The following SCNN1B variants were observed in gnomAD, a reference collection of about 807,000 sequenced individuals.
SCNN1B encodes sodium channel epithelial 1 subunit beta.
Under a neutral mutation model 65.3 loss-of-function variants are expected in SCNN1B, and 46 were observed. That is an observed-to-expected ratio of 0.70 (90% CI 0.56 to 0.90). The LOEUF is 0.90. SCNN1B is among the 40% of genes least tolerant of loss of function. The pLI is 0.00. For missense variants in SCNN1B, 751 were observed against 830.5 expected (o/e 0.90, Z 1.18); for synonymous variants, 349 against 330.6 (o/e 1.06, Z -0.60).
At chr16:23,360,760 T>A (rs1962535131) in intron 4 of SCNN1B, among the ~76,000 whole-genome samples, 1 of 151,624 alleles carries the variant, frequency 6.6e-6, no homozygotes, top group Non-Finnish European at 1.5e-5. Context: ...CACACCTGGC[T>A]AATTTTTGGT....
chr16:23,315,337 C>CA (rs879630724), intron 1 of SCNN1B, among the ~76,000 whole-genome samples: 2,336 of 143,574 alleles, frequency 0.016, 24 homozygotes, highest in Non-Finnish European at 0.026. Flanking sequence ...AAGTCTGTCT[C>CA]AAAAAAAAAA....
intron 1 of SCNN1B, chr16:23,304,033 A>G: frequency 6.5e-7 from 1 of 1,528,942 alleles, no homozygotes. Context: ...TTATTTATTT[A>G]AACTGCTGCA....
chr16:23,281,411 T>C (rs1392715509), intron 1 of SCNN1B, among the ~76,000 whole-genome samples: 3 of 152,096 alleles, frequency 2.0e-5, no homozygotes, highest in African/African-American at 7.2e-5. Flanking sequence ...CCAGCCTGGG[T>C]GACAGAGCAA....
chr16:23,332,194 C>CTT (rs747733122), intron 1 of SCNN1B, among the ~76,000 whole-genome samples: 1 of 145,392 alleles, frequency 6.9e-6, no homozygotes, highest in Non-Finnish European at 1.5e-5. Context: ...ATGCCCAGCT[C>CTT]TTTTTTTTTT....
At chr16:23,310,580 G>C (rs1404732285) in intron 1 of SCNN1B, among the ~76,000 whole-genome samples, 1 of 152,204 alleles carries the variant, frequency 6.6e-6, no homozygotes, top group Non-Finnish European at 1.5e-5. Flanking sequence ...GGGATGCTGA[G>C]GCAGGAAGAT....
intron 1 of SCNN1B, chr16:23,283,652 T>C (rs1960811938): frequency 6.6e-6 from 1 of 152,146 alleles, no homozygotes; most frequent in African/African-American, 2.4e-5. Flanking sequence ...ATTGTCTGCA[T>C]TGTCCCTGAA....
chr16:23,377,129 T>G (rs776965879), intron 8 of SCNN1B, 36 bp from the exon 9 acceptor site: 1 of 1,602,578 alleles, frequency 6.2e-7, no homozygotes, highest in South Asian at 1.1e-5. Context: ...AAAAGCCCCC[T>G]TAAACCTCTT....
chr16:23,369,020 C>T (rs1043105461), intron 5 of SCNN1B, among the ~76,000 whole-genome samples: 4 of 152,268 alleles, frequency 2.6e-5, no homozygotes, highest in South Asian at 2.1e-4. Context: ...AACAAAACTG[C>T]GCTTGAACCC....
chr16:23,378,267 C>G (rs1433206149), intron 10 of SCNN1B, among the ~76,000 whole-genome samples: 1 of 152,202 alleles, frequency 6.6e-6, no homozygotes, highest in Non-Finnish European at 1.5e-5. Context: ...ACCTCAGCCT[C>G]CCAAAATGCT....
At chr16:23,361,400 A>G (rs1787468993) in intron 4 of SCNN1B, among the ~76,000 whole-genome samples, 1 of 152,204 alleles carries the variant, frequency 6.6e-6, no homozygotes. Context: ...CTAAATTCAG[A>G]CTACGCTCAG....
At chr16:23,299,518 C>T (rs1015605253), upstream of SCNN1B, among the ~76,000 whole-genome samples, 1 of 152,190 alleles carries the variant, frequency 6.6e-6, no homozygotes, top group South Asian at 2.1e-4. Context: ...GTCAAAATCA[C>T]TTTCATAAGA....
chr16:23,366,073 C>A (rs1325224610), intron 4 of SCNN1B, among the ~76,000 whole-genome samples: 1 of 152,212 alleles, frequency 6.6e-6, no homozygotes, highest in African/African-American at 2.4e-5. Flanking sequence ...CCATAAAAGT[C>A]ACTCAGTGAA....
At chr16:23,365,563 G>GAA (rs1567313584) in intron 4 of SCNN1B, among the ~76,000 whole-genome samples, 1 of 79,418 alleles carries the variant, frequency 1.3e-5, no homozygotes, top group African/African-American at 1.1e-4. Flanking sequence ...GAAAGAGAAA[G>GAA]AAAGAAAGAA....
chr16:23,348,682 G>C lies in SCNN1B; in HGVS notation c.83G>C (p.Trp28Ser). The stretch of plus-strand genomic sequence containing the variant: ...TACACGTACAAGGAGCTGCTGGTGT[G>C]GTACTGCGACAACACCAACACCCAC... ...PGYTYKELLV[W>S]YCDNTNTHGP... Residue 28 changes from tryptophan (W) to serine (S), a missense_variant, in exon 2 of 13, where the codon TGG becomes TCG. By Grantham distance (177) the Trp-to-Ser change is radical (BLOSUM62 -3). Coordinates refer to ENST00000343070, the MANE Select transcript of SCNN1B (RefSeq NM_000336.3). This position sits in a 1 kb window ranked among gnomAD's most constrained non-coding sequence, Gnocchi z 4.5. 6.2e-7 allele frequency: 1 copy of C among 1,613,954 alleles called. No individual in the cohort carries two copies. The highest frequency in any genetic ancestry group is 8.5e-7 in the Non-Finnish European group (1 of 1,179,990).
At chr16:23,342,694 G>T (rs982842805) in intron 1 of SCNN1B, among the ~76,000 whole-genome samples, 1 of 152,142 alleles carries the variant, frequency 6.6e-6, no homozygotes, top group East Asian at 1.9e-4. Flanking sequence ...AGTGTTTTAA[G>T]AAAGTTTATG....
At chr16:23,322,124 T>TTTTGTTTG (rs564847150) in intron 1 of SCNN1B, among the ~76,000 whole-genome samples, 10 of 152,150 alleles carry the variant, frequency 6.6e-5, no homozygotes, top group Non-Finnish European at 1.0e-4. Context: ...ATACAACAGT[T>TTTTGTTTG]TTTGTTTGTT....
chr16:23,303,184 A>G (rs1961123149), intron 1 of SCNN1B, among the ~76,000 whole-genome samples: 2 of 151,848 alleles, frequency 1.3e-5, no homozygotes, highest in South Asian at 4.2e-4. Flanking sequence ...TAGTACAGGG[A>G]CATTCTCACT....
At chr16:23,326,127 C>T (rs1314053523) in intron 1 of SCNN1B, among the ~76,000 whole-genome samples, 1 of 150,372 alleles carries the variant, frequency 6.7e-6, no homozygotes, top group African/African-American at 2.4e-5. Context: ...TTTTTTAAGT[C>T]TGTATTTCCT....
intron 2 of SCNN1B, among the ~76,000 whole-genome samples, chr16:23,291,475 A>AGTGTGTGTGTGT (rs71858801): frequency 3.6e-4 from 52 of 145,558 alleles, no homozygotes; most frequent in Non-Finnish European, 6.1e-4. Flanking sequence ...TGTGTGTGTA[A>AGTGTGTGTGTGT]GTGTGTGTGT....
Sources: allele counts gnomAD v4.1 joint callset (sites outside exome capture counted in the v4.1 genomes callset), GRCh38; gene constraint gnomAD v4.1.1; non-coding constraint Gnocchi (gnomAD v3.1); transcripts MANE v1.5; gene names NCBI Gene and HGNC (gene_info 2026-07-23, HGNC 2026-07-21).